The following STARD3NL variants were observed in gnomAD, a reference collection of about 807,000 sequenced individuals.
STARD3NL encodes the protein STARD3 N-terminal like.
STARD3NL carries 17 observed loss-of-function variants against 30.9 expected under a neutral mutation model. The observed-to-expected ratio is 0.55, with a 90% CI of 0.38 to 0.82. The LOEUF is 0.82. STARD3NL is among the 40% of genes least tolerant of loss of function. The pLI is 0.00. For missense variants in STARD3NL, 234 were observed against 277.6 expected (o/e 0.84, Z 1.12); for synonymous variants, 112 against 100.5 (o/e 1.11, Z -0.69).
At chr7:38,204,954 AAT>A (rs760996911) in intron 1 of STARD3NL, among the ~76,000 whole-genome samples, 8 of 152,234 alleles carry the variant, frequency 5.3e-5, no homozygotes, top group Non-Finnish European at 8.8e-5. Context: ...TGAATCTCTG[AAT>A]AGACCAATAA....
chr7:38,203,192 G>T (rs537096896), intron 1 of STARD3NL, among the ~76,000 whole-genome samples: 101 of 152,188 alleles, frequency 6.6e-4, no homozygotes, highest in African/African-American at 2.3e-3. Context: ...CAGATTCACC[G>T]AAGTTGAAAT....
intron 1 of STARD3NL, among the ~76,000 whole-genome samples, chr7:38,192,897 A>G (rs1401836952): frequency 6.6e-6 from 1 of 152,022 alleles, no homozygotes; most frequent in Non-Finnish European, 1.5e-5. Flanking sequence ...TTGTCTCCTG[A>G]GGCCAACTGT....
intron 1 of STARD3NL, among the ~76,000 whole-genome samples, chr7:38,184,804 A>T (rs1784394460): frequency 6.9e-6 from 1 of 145,934 alleles, no homozygotes. Context: ...AAAGAAAATT[A>T]TGACTATGGA....
In STARD3NL at chr7:38,178,381, G is replaced by A. The variant is rs1172855706; in HGVS notation, c.-98G>A. 1 of 152,306 alleles carries A rather than the reference G, an allele frequency of 6.6e-6. No homozygotes were observed. The highest frequency in any genetic ancestry group is 1.5e-5 in the Non-Finnish European group (1 of 68,044). The allele number at this position is 152,306 out of a possible 1,614,324, so 9.4% of individuals were successfully genotyped here. ...GCGCGACCGCGGATCCGCAGTTCCC[G>A]GGCCAGCCTGGGGCGGCCGGCCAGG... On this transcript the variant is annotated 5_prime_UTR_variant, in exon 1 of 9. Coordinates refer to ENST00000009041, the MANE Select transcript of STARD3NL (RefSeq NM_032016.4).
intron 2 of STARD3NL, among the ~76,000 whole-genome samples, chr7:38,209,203 T>C (rs2116262277): frequency 6.6e-6 from 1 of 152,354 alleles, no homozygotes; most frequent in African/African-American, 2.4e-5. Flanking sequence ...AAAGAAAATA[T>C]TTTAATTAAT....
At chr7:38,218,561 A>C (rs1055742282) in intron 6 of STARD3NL, among the ~76,000 whole-genome samples, 8 of 152,236 alleles carry the variant, frequency 5.3e-5, no homozygotes, top group African/African-American at 1.9e-4. Context: ...TGGTTATAGG[A>C]TTAAACCACA....
intron 1 of STARD3NL, among the ~76,000 whole-genome samples, chr7:38,195,408 A>G (rs1166946071): frequency 2.0e-5 from 3 of 152,188 alleles, no homozygotes; most frequent in Non-Finnish European, 4.4e-5. Flanking sequence ...CTGAGTTGAA[A>G]GAATATGTGT....
At chr7:38,201,287 A>G (rs1785164114) in intron 1 of STARD3NL, among the ~76,000 whole-genome samples, 1 of 152,232 alleles carries the variant, frequency 6.6e-6, no homozygotes, top group African/African-American at 2.4e-5. Flanking sequence ...ACACATATAC[A>G]TATGAAAAAT....
intron 2 of STARD3NL, among the ~76,000 whole-genome samples, chr7:38,213,330 A>G (rs1031713308): frequency 6.6e-6 from 1 of 152,226 alleles, no homozygotes; most frequent in East Asian, 1.9e-4. Flanking sequence ...CATACTAATT[A>G]CAAAGAAATG....
chr7:38,214,393 G>A lies in STARD3NL; in HGVS notation c.262G>A (p.Val88Met). The change falls in exon 3 of 9, where the codon GTG (valine) becomes ATG (methionine). Residue 88 changes from valine to methionine, a missense_variant. Physicochemically the swap from Val to Met is conservative, Grantham distance 21 (BLOSUM62 1). Transcript: ENST00000009041. ...GGIENTLEKE[V>M]MQYDYYSSYF... Reference sequence around the variant, plus strand: ...CATTGAGAACACATTAGAGAAGGAGGTGATGCAGTATGACTACTATTCTTC... The same window carrying A: ...CATTGAGAACACATTAGAGAAGGAGATGATGCAGTATGACTACTATTCTTC... 2 of 1,608,522 alleles carry A rather than the reference G, an allele frequency of 1.2e-6. No homozygotes were observed. The highest frequency in any genetic ancestry group is 1.7e-6 in the Non-Finnish European group (2 of 1,175,968).
intron 1 of STARD3NL, among the ~76,000 whole-genome samples, chr7:38,202,810 G>T (rs980354270): frequency 1.4e-5 from 2 of 147,274 alleles, no homozygotes; most frequent in Non-Finnish European, 3.0e-5. Flanking sequence ...ACCTATGAGT[G>T]AGAACATGCG....
intron 7 of STARD3NL, among the ~76,000 whole-genome samples, chr7:38,224,445 T>G (rs1274762386): frequency 6.6e-6 from 1 of 152,236 alleles, no homozygotes; most frequent in East Asian, 1.9e-4. Flanking sequence ...TCCTTTCTTA[T>G]CCACAGTTTC....
chr7:38,204,497 G>A (rs1408893218), intron 1 of STARD3NL, among the ~76,000 whole-genome samples: 1 of 152,140 alleles, frequency 6.6e-6, no homozygotes, highest in Non-Finnish European at 1.5e-5. Context: ...TGTGTAGAGG[G>A]AAATTTATAG....
At position 38,217,318 on chromosome 7, in the gene STARD3NL, C is replaced by CAT; in HGVS notation, c.553+14_553+15insTA. On this transcript the variant is annotated intron_variant, in intron 6 of 8. Coordinates refer to ENST00000009041, the MANE Select transcript of STARD3NL (RefSeq NM_032016.4). ...GAAGAAGAAAACAGTAAGTTCCTCT[C>CAT]AAAGTCAGCCTCCTGAGGCGGACTG... 6.2e-7 allele frequency: 1 copy of CAT among 1,612,454 alleles called. No homozygotes were observed. Among genetic ancestry groups the CAT allele is most frequent in the African/African-American group, 1.3e-5 (1 of 74,978 alleles).
chr7:38,192,633 T>C (rs1353300975), intron 1 of STARD3NL, among the ~76,000 whole-genome samples: 1 of 152,148 alleles, frequency 6.6e-6, no homozygotes, highest in Non-Finnish European at 1.5e-5. Context: ...AATTAAAGAG[T>C]TTGAGCTCTA....
intron 7 of STARD3NL, among the ~76,000 whole-genome samples, chr7:38,227,528 C>T (rs1786839720): frequency 6.6e-6 from 1 of 152,108 alleles, no homozygotes; most frequent in Non-Finnish European, 1.5e-5. Context: ...GGTAGACATT[C>T]TCCTTAGGGA....
At chr7:38,220,313 C>G (rs956294256) in intron 7 of STARD3NL, among the ~76,000 whole-genome samples, 2 of 152,094 alleles carry the variant, frequency 1.3e-5, no homozygotes, top group African/African-American at 4.8e-5. Context: ...AAAAAATATG[C>G]AAGGGTTTTG....
intron 6 of STARD3NL, among the ~76,000 whole-genome samples, chr7:38,217,787 T>C (rs1786209442): frequency 6.6e-6 from 1 of 152,190 alleles, no homozygotes; most frequent in African/African-American, 2.4e-5. Context: ...ATACAGCAGT[T>C]GGTGGCTTCA....
intron 2 of STARD3NL, among the ~76,000 whole-genome samples, chr7:38,209,357 C>T (rs1413705790): frequency 1.3e-5 from 2 of 151,772 alleles, no homozygotes; most frequent in Non-Finnish European, 1.5e-5. Context: ...GATCTTGGCT[C>T]ACGCAACTGC....
Sources: allele counts gnomAD v4.1 joint callset (sites outside exome capture counted in the v4.1 genomes callset), GRCh38; gene constraint gnomAD v4.1.1; transcripts MANE v1.5; gene names NCBI Gene and HGNC (gene_info 2026-07-23, HGNC 2026-07-21).